ZBTB44: variants seen among roughly 807,000 people sequenced by gnomAD.
The protein encoded by ZBTB44 is zinc finger and BTB domain-containing protein 44.
Under a neutral mutation model 54.0 loss-of-function variants are expected in ZBTB44, and 15 were observed. The observed-to-expected ratio is 0.28, with a 90% CI of 0.19 to 0.43. The LOEUF is 0.43. Among genes scored for constraint, ZBTB44 ranks in the 20% least tolerant of loss-of-function variants. ZBTB44 has a pLI of 1.00. For synonymous variants in ZBTB44, 230 were observed against 250.1 expected, an observed-to-expected ratio of 0.92 and a Z score of 0.76; for missense variants, 487 against 707.1, an observed-to-expected ratio of 0.69 and a Z score of 3.53.
At chr11:130,256,831 C>T (rs1938479742) in intron 2 of ZBTB44, among the ~76,000 whole-genome samples, 2 of 151,894 alleles carry the variant, frequency 1.3e-5, no homozygotes, top group Admixed American at 1.3e-4. Context: ...CCTTTGAAAA[C>T]CGGCACAAGA....
At chr11:130,288,821 C>T (rs891747962) in intron 1 of ZBTB44, among the ~76,000 whole-genome samples, 1 of 151,548 alleles carries the variant, frequency 6.6e-6, no homozygotes, top group Non-Finnish European at 1.5e-5. Flanking sequence ...CGCTTGAACC[C>T]GGGAGGCGGA....
At chr11:130,269,331 AATATGT>A (rs1939504837) in intron 1 of ZBTB44, among the ~76,000 whole-genome samples, 1 of 151,676 alleles carries the variant, frequency 6.6e-6, no homozygotes, top group Non-Finnish European at 1.5e-5. Context: ...TGTGTAGATG[AATATGT>A]ATATGTGTAG....
intron 1 of ZBTB44, among the ~76,000 whole-genome samples, chr11:130,291,879 C>T (rs570300092): frequency 6.6e-6 from 1 of 152,280 alleles, no homozygotes; most frequent in African/African-American, 2.4e-5. Flanking sequence ...TATATCACCA[C>T]CACAATCAAG....
intron 1 of ZBTB44, among the ~76,000 whole-genome samples, chr11:130,294,643 G>A (rs545473219): frequency 6.6e-6 from 1 of 151,300 alleles, no homozygotes; most frequent in African/African-American, 2.4e-5. Context: ...TTATGCCAGA[G>A]GTTGCAATTA....
chr11:130,288,909 AAAG>A (rs1373307474), intron 1 of ZBTB44, among the ~76,000 whole-genome samples: 1 of 151,770 alleles, frequency 6.6e-6, no homozygotes, highest in Non-Finnish European at 1.5e-5. Flanking sequence ...AAAAAAAAAA[AAAG>A]AAAAAGAAAA....
intron 1 of ZBTB44, chr11:130,296,946 CGAG>C (rs1226083733): frequency 1.3e-6 from 1 of 742,216 alleles, no homozygotes; most frequent in South Asian, 1.5e-5. Flanking sequence ...GCAGAAAAAG[CGAG>C]GAGGTGGTGG....
intron 1 of ZBTB44, among the ~76,000 whole-genome samples, chr11:130,308,860 T>C (rs1044324879): frequency 6.6e-6 from 1 of 152,222 alleles, no homozygotes; most frequent in Admixed American, 6.5e-5. Flanking sequence ...CACTCTGTTA[T>C]TGAAAGCAGT....
At chr11:130,270,748 CTAACTT>C (rs1443874411) in intron 1 of ZBTB44, among the ~76,000 whole-genome samples, 3 of 152,100 alleles carry the variant, frequency 2.0e-5, no homozygotes, top group Non-Finnish European at 2.9e-5. Context: ...GGTTTTATCT[CTAACTT>C]TGTTTTCACC....
intron 2 of ZBTB44, among the ~76,000 whole-genome samples, chr11:130,240,265 A>C (rs1425263420): frequency 1.3e-5 from 2 of 151,892 alleles, no homozygotes; most frequent in Non-Finnish European, 2.9e-5. Context: ...TGGTCTCGAT[A>C]TCCTGACCTT....
intron 1 of ZBTB44, among the ~76,000 whole-genome samples, chr11:130,273,062 CAG>C (rs1345442420): frequency 1.3e-5 from 2 of 152,144 alleles, no homozygotes; most frequent in African/African-American, 2.4e-5. Context: ...ATTTCAGAAT[CAG>C]ACTGTCAATC....
At chr11:130,278,095 A>G (rs149882270) in intron 1 of ZBTB44, among the ~76,000 whole-genome samples, 1 of 152,310 alleles carries the variant, frequency 6.6e-6, no homozygotes, top group East Asian at 1.9e-4. Context: ...CTTACTTAGA[A>G]AAAGATTTTC....
At chr11:130,270,737 T>C (rs1939606289) in intron 1 of ZBTB44, among the ~76,000 whole-genome samples, 1 of 152,242 alleles carries the variant, frequency 6.6e-6, no homozygotes, top group Non-Finnish European at 1.5e-5. Flanking sequence ...AAGAGTCAGA[T>C]GGTTTTATCT....
intron 2 of ZBTB44, among the ~76,000 whole-genome samples, chr11:130,240,240 C>G (rs1336909380): frequency 6.6e-6 from 1 of 152,014 alleles, no homozygotes; most frequent in East Asian, 1.9e-4. Context: ...CAGGGTTTCA[C>G]TGTGTTAGCC....
At chr11:130,312,075 AAAAGT>A (rs1343352910) in intron 1 of ZBTB44, among the ~76,000 whole-genome samples, 1 of 152,214 alleles carries the variant, frequency 6.6e-6, no homozygotes, top group Admixed American at 6.5e-5. Flanking sequence ...ATGAATATTG[AAAAGT>A]AAAGAGATTA....
intron 1 of ZBTB44, among the ~76,000 whole-genome samples, chr11:130,277,792 T>TGAC (rs912989073): frequency 7.9e-5 from 12 of 152,292 alleles, no homozygotes; most frequent in African/African-American, 2.9e-4. Flanking sequence ...CCTTGTAAAG[T>TGAC]GGGTCAGCTA....
chr11:130,289,789 T>C (rs1175011775), intron 1 of ZBTB44, among the ~76,000 whole-genome samples: 1 of 152,154 alleles, frequency 6.6e-6, no homozygotes, highest in Non-Finnish European at 1.5e-5. Flanking sequence ...TGTTTTTTGT[T>C]TTAAATAAAT....
chr11:130,247,947 C>A (rs978464174), intron 2 of ZBTB44, among the ~76,000 whole-genome samples: 4 of 152,078 alleles, frequency 2.6e-5, no homozygotes, highest in African/African-American at 9.7e-5. Context: ...TTATTTGCTG[C>A]AAGTTGATAC....
chr11:130,299,284 T>C (rs1028515965), intron 1 of ZBTB44, among the ~76,000 whole-genome samples: 1 of 151,988 alleles, frequency 6.6e-6, no homozygotes, highest in Non-Finnish European at 1.5e-5. Context: ...AAATAAGTAA[T>C]AAAATATCAA....
At chr11:130,265,154 T>A (rs1939158881) in intron 1 of ZBTB44, among the ~76,000 whole-genome samples, 1 of 152,126 alleles carries the variant, frequency 6.6e-6, no homozygotes, top group African/African-American at 2.4e-5. Flanking sequence ...AACAAGGATA[T>A]TGAAATTAGA....
Sources: allele counts gnomAD v4.1 joint callset (sites outside exome capture counted in the v4.1 genomes callset), GRCh38; gene constraint gnomAD v4.1.1; transcripts MANE v1.5; gene names NCBI Gene and HGNC (gene_info 2026-07-23, HGNC 2026-07-21).